Variants in INPP4A observed in about 807,000 individuals in gnomAD.
INPP4A encodes inositol polyphosphate-4-phosphatase, type I, 107kD.
In INPP4A, 33 loss-of-function variants were observed where a neutral mutation model predicts 119.8. The observed-to-expected ratio is 0.28, with a 90% CI of 0.21 to 0.37. The LOEUF is 0.37. Ranked by LOEUF, INPP4A falls within the 10% of genes least tolerant of loss-of-function variation. The pLI is 1.00. For synonymous variants in INPP4A, 496 were observed against 500.7 expected, an observed-to-expected ratio of 0.99 and a Z score of 0.12; for missense variants, 956 against 1,289.9, an observed-to-expected ratio of 0.74 and a Z score of 3.97.
chr2:98,507,080 C>T (rs1025453152), intron 1 of INPP4A, among the ~76,000 whole-genome samples: 1 of 152,162 alleles, frequency 6.6e-6, no homozygotes, highest in Admixed American at 6.5e-5. Context: ...GAATGGTGGC[C>T]GCTGGCCACT....
intron 1 of INPP4A, among the ~76,000 whole-genome samples, chr2:98,505,100 C>T (rs969602362): frequency 3.3e-5 from 5 of 152,238 alleles, no homozygotes; most frequent in Middle Eastern, 6.3e-3. Context: ...AAGTACTATA[C>T]TAATAACTTG....
chr2:98,515,003 T>C (rs1054977671), intron 1 of INPP4A, among the ~76,000 whole-genome samples: 1 of 151,654 alleles, frequency 6.6e-6, no homozygotes, highest in Non-Finnish European at 1.5e-5. Flanking sequence ...CATGCAGAGG[T>C]TCCCGGAGAG....
intron 1 of INPP4A, among the ~76,000 whole-genome samples, chr2:98,487,851 G>A (rs1052268389): frequency 6.6e-6 from 1 of 152,202 alleles, no homozygotes; most frequent in Non-Finnish European, 1.5e-5. Flanking sequence ...TAGACTCACA[G>A]CAGCTTGTTT....
intron 22 of INPP4A, chr2:98,571,764 AG>A (rs1697496348): frequency 6.6e-6 from 1 of 152,384 alleles, no homozygotes; most frequent in South Asian, 2.1e-4. Flanking sequence ...TCATTAAAGC[AG>A]GGGCTGCAGG....
Position 98,555,538 on chromosome 2 carries a change from C to T in INPP4A, c.1567-15C>T, listed in dbSNP as rs759376695. On this transcript the variant is annotated splice_polypyrimidine_tract_variant and intron_variant, in intron 15 of 24. Coordinates refer to ENST00000409851, the MANE Select transcript of INPP4A (RefSeq NM_001134225.2). ...TCGGGAGAGCTGACCCACATGGGCC[C>T]CTTTGATTTGGAAGGAGAAAGTGTG... is the stretch of plus-strand genomic sequence containing the variant. 5 of 1,584,600 alleles carry T rather than the reference C, an allele frequency of 3.2e-6. No homozygotes were observed. Among genetic ancestry groups the T allele is most frequent in the Non-Finnish European group, 3.4e-6 (4 of 1,161,434 alleles).
At chr2:98,512,615 T>C (rs545342712) in intron 1 of INPP4A, among the ~76,000 whole-genome samples, 25 of 152,326 alleles carry the variant, frequency 1.6e-4, no homozygotes, top group African/African-American at 6.0e-4. Context: ...TTATCGGGAA[T>C]CCACTCCCCT....
At position 98,533,476 on chromosome 2, in the gene INPP4A, C is replaced by T. The variant is rs200860936; in HGVS notation, c.251C>T (p.Ala84Val). The T allele has an allele frequency of 8.6e-5, 138 of 1,610,916 alleles. No individual in the cohort carries two copies. The highest frequency in any genetic ancestry group is 1.1e-4 in the Non-Finnish European group (127 of 1,177,386). ...CCTCAGGCATTCTGGACGAAGCATG[C>T]ACAGACGGAGATCATTGAGGTGGGT... The part of the protein sequence containing the change: ...TPPQAFWTKH[A>V]QTEIIEGTNN... The change falls in exon 5 of 25, where the codon GCA becomes GTA. Residue 84 changes from alanine (A) to valine (V), a missense_variant. By Grantham distance (64) the Ala-to-Val change is moderately conservative. Around this residue, in one of 2 missense-constraint regions of INPP4A, gnomAD observed 652 missense variants for 797.9 expected, o/e 0.82. Coordinates refer to ENST00000409851, the MANE Select transcript of INPP4A (RefSeq NM_001134225.2).
At chr2:98,586,079 G>A (rs1699917473) in intron 24 of INPP4A, among the ~76,000 whole-genome samples, 1 of 152,214 alleles carries the variant, frequency 6.6e-6, no homozygotes, top group Non-Finnish European at 1.5e-5. Context: ...AAACACGATT[G>A]TTACTTACTC....
chr2:98,563,807 A>G (rs1423607063), intron 18 of INPP4A, among the ~76,000 whole-genome samples, 170 bp downstream of exon 18: 1 of 152,160 alleles, frequency 6.6e-6, no homozygotes. Flanking sequence ...ATTTCAACAC[A>G]GTCAGGAGAA....
intron 1 of INPP4A, among the ~76,000 whole-genome samples, chr2:98,445,369 G>T (rs1694016158): frequency 6.6e-6 from 1 of 152,332 alleles, no homozygotes. Flanking sequence ...ACGCAGACGC[G>T]GTGCCTGCCC....
At chr2:98,481,277 G>A (rs866145313) in intron 1 of INPP4A, among the ~76,000 whole-genome samples, 6 of 152,164 alleles carry the variant, frequency 3.9e-5, no homozygotes, top group Non-Finnish European at 8.8e-5. Flanking sequence ...GAGGAATGTG[G>A]ACCTGGTGTG....
At chr2:98,456,134 T>C (rs1006640811) in intron 1 of INPP4A, among the ~76,000 whole-genome samples, 1 of 152,238 alleles carries the variant, frequency 6.6e-6, no homozygotes, top group African/African-American at 2.4e-5. Flanking sequence ...TGTCTTTCTC[T>C]TTCTGGCAGC....
At chr2:98,486,839 C>G (rs184428586) in intron 1 of INPP4A, among the ~76,000 whole-genome samples, 1 of 152,256 alleles carries the variant, frequency 6.6e-6, no homozygotes, top group South Asian at 2.1e-4. Flanking sequence ...ACAGTGGCCT[C>G]TGCCAGTGAC....
At chr2:98,468,172 A>T (rs1675184494) in intron 1 of INPP4A, among the ~76,000 whole-genome samples, 1 of 152,234 alleles carries the variant, frequency 6.6e-6, no homozygotes, top group African/African-American at 2.4e-5. Context: ...TTGAGGTTTT[A>T]CAGTAAGAAA....
chr2:98,485,455 A>C (rs1679349025), intron 1 of INPP4A, among the ~76,000 whole-genome samples: 1 of 151,950 alleles, frequency 6.6e-6, no homozygotes, highest in Non-Finnish European at 1.5e-5. Flanking sequence ...GCAGTAAGAG[A>C]ACTATGGCAA....
intron 1 of INPP4A, among the ~76,000 whole-genome samples, chr2:98,456,166 C>G (rs1293042617): frequency 6.6e-6 from 1 of 152,094 alleles, no homozygotes; most frequent in Non-Finnish European, 1.5e-5. Flanking sequence ...TTAGCCATTC[C>G]TGACTTGTTT....
At chr2:98,563,918 A>C (rs1389784766) in intron 18 of INPP4A, among the ~76,000 whole-genome samples, 2 of 148,364 alleles carry the variant, frequency 1.3e-5, no homozygotes, top group African/African-American at 2.5e-5. Flanking sequence ...TGGGTGGCAC[A>C]GGCTTCTTTG....
At chr2:98,481,115 G>GA (rs1164250126) in intron 1 of INPP4A, among the ~76,000 whole-genome samples, 3 of 152,234 alleles carry the variant, frequency 2.0e-5, no homozygotes, top group African/African-American at 7.2e-5. Context: ...CAACACTGGG[G>GA]AGGGGGTGTC....
chr2:98,557,130 G>A (rs1294297744), intron 16 of INPP4A, among the ~76,000 whole-genome samples: 1 of 151,972 alleles, frequency 6.6e-6, no homozygotes, highest in African/African-American at 2.4e-5. Context: ...CCTAACTTAA[G>A]TGTCATTTTT....
Sources: gnomAD v4.1 joint callset for allele counts (sites outside exome capture counted in the v4.1 genomes callset) on GRCh38, gnomAD v4.1.1 for gene constraint, gnomAD v4.1.1 regional missense constraint, MANE v1.5 for transcripts, NCBI Gene and HGNC (gene_info 2026-07-23, HGNC 2026-07-21) for gene names.